The following SLC25A48 variants were observed in gnomAD, a reference collection of about 807,000 sequenced individuals.
The protein encoded by SLC25A48 is solute carrier family 25 member 48, also known as CTC-321K16.1.
SLC25A48 carries 29 observed loss-of-function variants against 32.2 expected under a neutral mutation model. That is an observed-to-expected ratio of 0.90 (90% CI 0.67 to 1.23). The LOEUF (loss-of-function observed/expected upper bound fraction) is 1.23. Among genes scored for constraint, SLC25A48 ranks in the 50% most tolerant of loss-of-function variants. The pLI, the probability that SLC25A48 is intolerant of heterozygous loss-of-function variation, is 0.00. For synonymous variants in SLC25A48, 164 were observed against 172.3 expected (o/e 0.95, Z 0.38); for missense variants, 399 against 422.7 (o/e 0.94, Z 0.49).
chr5:135,817,492 T>TAGC (rs1561506997), intron 4 of SLC25A48, among the ~76,000 whole-genome samples: 1 of 152,184 alleles, frequency 6.6e-6, no homozygotes, highest in African/African-American at 2.4e-5. Flanking sequence ...ATGGAAAATA[T>TAGC]AGATAAATCT....
intron 3 of SLC25A48, among the ~76,000 whole-genome samples, chr5:135,797,638 G>A (rs1168322298): frequency 6.6e-6 from 1 of 151,734 alleles, no homozygotes; most frequent in Admixed American, 6.6e-5. Context: ...CACAGGGAGT[G>A]TACACCTCCC....
intron 3 of SLC25A48, among the ~76,000 whole-genome samples, chr5:135,682,519 A>G (rs1030615570): frequency 6.6e-6 from 1 of 152,214 alleles, no homozygotes; most frequent in Non-Finnish European, 1.5e-5. Flanking sequence ...CATGTATGTC[A>G]TATGCTTGCA....
At chr5:135,607,414 A>C (rs1038137495) in intron 1 of SLC25A48, among the ~76,000 whole-genome samples, 1 of 152,158 alleles carries the variant, frequency 6.6e-6, no homozygotes, top group Non-Finnish European at 1.5e-5. Flanking sequence ...TTCATCCTTC[A>C]TCTTCCTACT....
At chr5:135,835,064 G>A in intron 1 of SLC25A48, 171 bp downstream of exon 1, 1 of 797,318 alleles carries the variant, frequency 1.3e-6, no homozygotes, top group Non-Finnish European at 2.2e-6. Context: ...TCTTGCAGTT[G>A]CCAGGGCTAA....
chr5:135,732,176 A>G (rs1255227263), intron 3 of SLC25A48, among the ~76,000 whole-genome samples: 1 of 152,268 alleles, frequency 6.6e-6, no homozygotes, highest in African/African-American at 2.4e-5. Flanking sequence ...TGTTTTTAAA[A>G]GACCATTAGT....
chr5:135,591,847 T>C (rs1392851320), intron 1 of SLC25A48, among the ~76,000 whole-genome samples: 1 of 152,198 alleles, frequency 6.6e-6, no homozygotes, highest in African/African-American at 2.4e-5. Flanking sequence ...AGTCTCTCTC[T>C]CCTTGCTCCC....
At chr5:135,724,791 A>T (rs1755049289) in intron 3 of SLC25A48, among the ~76,000 whole-genome samples, 1 of 152,268 alleles carries the variant, frequency 6.6e-6, no homozygotes, top group Non-Finnish European at 1.5e-5. Flanking sequence ...AGAGTTGGCC[A>T]ATAGCTCTGC....
In SLC25A48 at chr5:135,806,754, TTTC is replaced by T. The variant is rs142827146; in HGVS notation, c.-520-5766_-520-5764del. Among the ~76,000 whole-genome samples, 339 of 150,302 alleles carry T rather than the reference TTTC, an allele frequency of 2.3e-3. 5 individuals are homozygous for T. Among genetic ancestry groups the T allele is most frequent in the Middle Eastern group, 0.019 (2 of 104 alleles). The stretch of plus-strand genomic sequence containing the variant: ...TACTAGATATAATTATCACAGATAT[TTTC>T]TTAATATCATAGTGTGTTAAAACTA... On this transcript the variant is annotated intron_variant, in intron 3 of 10. Coordinates refer to the SLC25A48 transcript ENST00000646290.
intron 3 of SLC25A48, among the ~76,000 whole-genome samples, chr5:135,791,607 C>G (rs1757032721): frequency 6.6e-6 from 1 of 151,188 alleles, no homozygotes; most frequent in African/African-American, 2.4e-5. Context: ...TTCTTAATAT[C>G]CTAGGTGGTT....
intron 3 of SLC25A48, among the ~76,000 whole-genome samples, chr5:135,644,453 A>C (rs2126919353): frequency 6.6e-6 from 1 of 152,278 alleles, no homozygotes; most frequent in East Asian, 1.9e-4. Flanking sequence ...CCCCAGGTGC[A>C]CATGTCTCTA....
intron 3 of SLC25A48, among the ~76,000 whole-genome samples, chr5:135,799,240 G>C (rs978994159): frequency 1.3e-5 from 2 of 151,680 alleles, no homozygotes; most frequent in African/African-American, 2.4e-5. Flanking sequence ...AACCCCTTCT[G>C]TGATATTGTT....
intron 1 of SLC25A48, 101 bp downstream of exon 1, chr5:135,834,994 C>A: frequency 7.2e-7 from 1 of 1,390,778 alleles, no homozygotes; most frequent in Non-Finnish European, 1.0e-6. Context: ...TGCCATCCCG[C>A]TCCCCGTTGT....
At chr5:135,672,616 G>A (rs1329775955) in intron 3 of SLC25A48, among the ~76,000 whole-genome samples, 2 of 152,142 alleles carry the variant, frequency 1.3e-5, no homozygotes, top group Non-Finnish European at 2.9e-5. Context: ...AGTGTGGTTG[G>A]GCAGCCAGAT....
intron 3 of SLC25A48, among the ~76,000 whole-genome samples, chr5:135,800,147 C>T (rs1757285562): frequency 6.6e-6 from 1 of 151,694 alleles, no homozygotes; most frequent in African/African-American, 2.4e-5. Flanking sequence ...GCTGTACAAC[C>T]CGCCTGTGAT....
chr5:135,753,329 G>T (rs1470116279), intron 3 of SLC25A48, among the ~76,000 whole-genome samples: 1 of 151,950 alleles, frequency 6.6e-6, no homozygotes, highest in African/African-American at 2.4e-5. Flanking sequence ...ATAACAGAGA[G>T]TTACCCGCAC....
At chr5:135,678,684 G>A (rs78381698) in intron 3 of SLC25A48, among the ~76,000 whole-genome samples, 3,361 of 152,222 alleles carry the variant, frequency 0.022, 55 homozygotes, top group African/African-American at 0.046. Context: ...TTTGAGGGAC[G>A]GGGGTAATTT....
At chr5:135,761,658 C>T (rs980494575) in intron 3 of SLC25A48, among the ~76,000 whole-genome samples, 1 of 152,184 alleles carries the variant, frequency 6.6e-6, no homozygotes, top group East Asian at 1.9e-4. Flanking sequence ...GGCCTCTCGT[C>T]CATCACCAGA....
At chr5:135,805,400 T>C (rs1307473773) in intron 3 of SLC25A48, among the ~76,000 whole-genome samples, 2 of 151,554 alleles carry the variant, frequency 1.3e-5, no homozygotes, top group African/African-American at 2.4e-5. Flanking sequence ...GAAATATTAT[T>C]TATAATGTAA....
At chr5:135,665,202 G>T (rs1009966690) in intron 3 of SLC25A48, among the ~76,000 whole-genome samples, 1 of 151,960 alleles carries the variant, frequency 6.6e-6, no homozygotes, top group African/African-American at 2.4e-5. Context: ...TTTCATGTTT[G>T]TTGGCTATTT....
Sources: gnomAD v4.1 joint callset for allele counts (sites outside exome capture counted in the v4.1 genomes callset) on GRCh38, gnomAD v4.1.1 for gene constraint, MANE v1.5 for transcripts, NCBI Gene and HGNC (gene_info 2026-07-23, HGNC 2026-07-21) for gene names.